Variants in PPP2R2C observed in about 807,000 individuals in gnomAD.
The protein encoded by PPP2R2C is protein phosphatase 2, regulatory subunit B, gamma.
Under a neutral mutation model 45.3 loss-of-function variants are expected in PPP2R2C, and 10 were observed. That is an observed-to-expected ratio of 0.22 (90% CI 0.14 to 0.37). The LOEUF (loss-of-function observed/expected upper bound fraction) is 0.37, where lower values mean the gene tolerates loss of function less well. PPP2R2C is among the 10% of genes least tolerant of loss of function. PPP2R2C has a pLI of 1.00. For synonymous variants in PPP2R2C, 257 were observed against 245.4 expected (o/e 1.05, Z -0.44); for missense variants, 308 against 619.7 (o/e 0.50, Z 5.34).
intron 2 of PPP2R2C, among the ~76,000 whole-genome samples, chr4:6,531,291 G>A (rs917122984): frequency 6.6e-6 from 1 of 152,194 alleles, no homozygotes; most frequent in Non-Finnish European, 1.5e-5. Flanking sequence ...GAGGCAGGCT[G>A]CAGGGGCCCA....
chr4:6,339,049 T>C (rs565497119), intron 6 of PPP2R2C, among the ~76,000 whole-genome samples: 1 of 152,322 alleles, frequency 6.6e-6, no homozygotes, highest in South Asian at 2.1e-4. Flanking sequence ...CTCCCTGAGA[T>C]CCCTTTCCCA....
intron 4 of PPP2R2C, among the ~76,000 whole-genome samples, chr4:6,373,174 C>T (rs1714998319): frequency 6.6e-6 from 1 of 152,152 alleles, no homozygotes; most frequent in African/African-American, 2.4e-5. Context: ...AGCTAAGCAG[C>T]GGGAGCACCT....
At chr4:6,443,678 G>T (rs966857225) in intron 1 of PPP2R2C, among the ~76,000 whole-genome samples, 3 of 152,154 alleles carry the variant, frequency 2.0e-5, no homozygotes, top group Non-Finnish European at 4.4e-5. Flanking sequence ...CGTGTTCCTG[G>T]TCCGTATAAA....
At chr4:6,473,660 G>A (rs763876245), upstream of PPP2R2C, among the ~76,000 whole-genome samples, 5 of 152,196 alleles carry the variant, frequency 3.3e-5, no homozygotes, top group Non-Finnish European at 7.3e-5. Flanking sequence ...GGTCTGTAAT[G>A]GCCTCCACTT....
chr4:6,365,252 T>C (rs1029887654), intron 5 of PPP2R2C, among the ~76,000 whole-genome samples: 4 of 151,986 alleles, frequency 2.6e-5, no homozygotes, highest in African/African-American at 9.7e-5. Flanking sequence ...AGAGCTGGAG[T>C]AAGAACCCAG....
intron 5 of PPP2R2C, chr4:6,349,082 A>C: frequency 1.0e-6 from 1 of 985,200 alleles, no homozygotes; most frequent in Non-Finnish European, 1.2e-6. Context: ...AATCTCTTGG[A>C]GCATGCAAGG....
At chr4:6,387,199 C>T (rs944975869) in intron 1 of PPP2R2C, among the ~76,000 whole-genome samples, 3 of 151,846 alleles carry the variant, frequency 2.0e-5, no homozygotes, top group Admixed American at 6.6e-5. Context: ...AAATAATGAC[C>T]GAAAAATTCC....
At chr4:6,427,640 C>T (rs1271406706) in intron 1 of PPP2R2C, among the ~76,000 whole-genome samples, 1 of 152,212 alleles carries the variant, frequency 6.6e-6, no homozygotes, top group Non-Finnish European at 1.5e-5. Context: ...TCACTTGTGG[C>T]CATGCTTGTC....
chr4:6,432,347 C>G (rs545511878), intron 1 of PPP2R2C, among the ~76,000 whole-genome samples: 1 of 152,212 alleles, frequency 6.6e-6, no homozygotes, highest in African/African-American at 2.4e-5. Flanking sequence ...GAAGGCCCCT[C>G]GACTGATTCA....
chr4:6,449,425 A>T (rs1720618666), intron 1 of PPP2R2C, among the ~76,000 whole-genome samples: 1 of 152,198 alleles, frequency 6.6e-6, no homozygotes, highest in African/African-American at 2.4e-5. Flanking sequence ...CTATGAATGC[A>T]TGACTTTAAT....
At chr4:6,387,315 A>C (rs1464000176) in intron 1 of PPP2R2C, among the ~76,000 whole-genome samples, 1 of 152,236 alleles carries the variant, frequency 6.6e-6, no homozygotes, top group African/African-American at 2.4e-5. Context: ...GTCAAACTGC[A>C]AACTACTGGA....
At chr4:6,543,146 G>C (rs1029462190) in intron 1 of PPP2R2C, among the ~76,000 whole-genome samples, 1 of 152,192 alleles carries the variant, frequency 6.6e-6, no homozygotes, top group Non-Finnish European at 1.5e-5. Flanking sequence ...GCGTGAAGAA[G>C]CAGCCATCTG....
intron 1 of PPP2R2C, chr4:6,381,770 C>G: frequency 6.2e-7 from 1 of 1,611,628 alleles, no homozygotes; most frequent in Non-Finnish European, 8.5e-7. Flanking sequence ...TGGAGTCACC[C>G]CCATACCTGG....
intron 2 of PPP2R2C, 56 bp downstream of exon 2, chr4:6,380,941 C>G (rs1294486115): frequency 3.4e-6 from 5 of 1,458,716 alleles, no homozygotes; most frequent in Non-Finnish European, 4.5e-6. Context: ...TGCCCGCCTC[C>G]CACCTGACTC....
At chr4:6,456,240 G>T (rs1393864369) in intron 1 of PPP2R2C, among the ~76,000 whole-genome samples, 2 of 152,156 alleles carry the variant, frequency 1.3e-5, no homozygotes, top group African/African-American at 4.8e-5. Flanking sequence ...TCTGCAGGGG[G>T]TAGTTAGAAG....
intron 2 of PPP2R2C, among the ~76,000 whole-genome samples, chr4:6,510,994 CA>C (rs200316130): frequency 8.7e-4 from 29 of 33,256 alleles, no homozygotes; most frequent in South Asian, 1.9e-3. Flanking sequence ...AAAAAACAAA[CA>C]AACAAAAAAA....
In PPP2R2C at chr4:6,331,280, G is replaced by A. The variant is rs977969531; in HGVS notation, c.961-1927C>T. ...GAGAAAGACTGTCAATCTAAGGTCC[G>A]CTGCTTGCTGGCTCTGTCACAGATT... On this transcript the variant is annotated intron_variant, in intron 7 of 8. Transcript: ENST00000382599. The surrounding 1 kb of genome is among the most constrained non-coding windows in gnomAD (Gnocchi z 5.9). Among the ~76,000 whole-genome samples the A allele has an allele frequency of 2.6e-5, 4 of 152,122 alleles. No individual in the cohort carries two copies. The highest frequency in any genetic ancestry group is 2.1e-4 in the South Asian group (1 of 4,820).
intron 1 of PPP2R2C, among the ~76,000 whole-genome samples, chr4:6,435,413 AG>A (rs1318633506): frequency 2.6e-5 from 4 of 152,210 alleles, no homozygotes; most frequent in African/African-American, 9.7e-5. Context: ...ACTCTTGTTT[AG>A]AGGTGTGATT....
intron 2 of PPP2R2C, among the ~76,000 whole-genome samples, chr4:6,506,198 T>C (rs1009169714): frequency 2.6e-5 from 4 of 152,106 alleles, no homozygotes; most frequent in African/African-American, 7.2e-5. Context: ...GGACAACTGA[T>C]TGAAAGAGGA....
Sources: allele counts gnomAD v4.1 joint callset (sites outside exome capture counted in the v4.1 genomes callset), GRCh38; gene constraint gnomAD v4.1.1; non-coding constraint Gnocchi (gnomAD v3.1); transcripts MANE v1.5; gene names NCBI Gene and HGNC (gene_info 2026-07-23, HGNC 2026-07-21).